The following VPS45 variants were observed in gnomAD, a reference collection of about 807,000 sequenced individuals.
VPS45 encodes the protein vacuolar protein sorting 45 homolog.
VPS45 carries 35 observed loss-of-function variants against 75.9 expected under a neutral mutation model. That is an observed-to-expected ratio of 0.46 (90% CI 0.35 to 0.61). The LOEUF (loss-of-function observed/expected upper bound fraction) is 0.61, where lower values mean the gene tolerates loss of function less well. Among genes scored for constraint, VPS45 ranks in the 20% least tolerant of loss-of-function variants. The pLI, the probability that VPS45 is intolerant of heterozygous loss-of-function variation, is 0.00. For synonymous variants in VPS45, 220 were observed against 238.2 expected (o/e 0.92, Z 0.70); for missense variants, 559 against 685.9 (o/e 0.81, Z 2.07).
At chr1:150,096,285 T>C (rs1384225203) in intron 13 of VPS45, among the ~76,000 whole-genome samples, 1 of 151,870 alleles carries the variant, frequency 6.6e-6, no homozygotes, top group Non-Finnish European at 1.5e-5. Context: ...AAGAGGAGAG[T>C]GTATTGGATC....
intron 4 of VPS45, 39 bp from the exon 5 acceptor site, chr1:150,076,877 A>G: frequency 6.2e-7 from 1 of 1,607,684 alleles, no homozygotes; most frequent in Non-Finnish European, 8.5e-7. Flanking sequence ...GATACAATTG[A>G]AGTTTATGGA....
intron 14 of VPS45, among the ~76,000 whole-genome samples, chr1:150,131,523 A>C (rs1220543281): frequency 6.6e-6 from 1 of 151,994 alleles, no homozygotes; most frequent in Non-Finnish European, 1.5e-5. Flanking sequence ...AAAAAATAAA[A>C]ATAAGGTAAA....
At chr1:150,139,178 A>G (rs1185675492) in intron 14 of VPS45, among the ~76,000 whole-genome samples, 5 of 152,098 alleles carry the variant, frequency 3.3e-5, no homozygotes, top group African/African-American at 1.2e-4. Flanking sequence ...AACCCTCCAG[A>G]TGTCTCTCAT....
rs1553801950 is a variant in VPS45, at chr1:150,091,909, G to T, written c.1105-28G>T. On this transcript the variant is annotated intron_variant, in intron 10 of 14. Transcript: ENST00000644510. ...CAACAGATGACTCAAGTGAAAGGGG[G>T]ATAAATATAAGTTCTATCTTTCTTC... 1.1e-5 allele frequency: 17 copies of T among 1,604,666 alleles called. No homozygotes were observed. In the South Asian group the frequency reaches 1.4e-4, roughly 14 times the overall value.
chr1:150,072,106 ATTAC>A, intron 2 of VPS45, 56 bp from the exon 3 acceptor site: 1 of 1,447,092 alleles, frequency 6.9e-7, no homozygotes, highest in Non-Finnish European at 9.6e-7. Flanking sequence ...GTGAATGCTT[ATTAC>A]TTTTTTCCTT....
intron 13 of VPS45, among the ~76,000 whole-genome samples, chr1:150,107,157 TC>T (rs1657373818): frequency 6.6e-6 from 1 of 152,176 alleles, no homozygotes; most frequent in Non-Finnish European, 1.5e-5. Flanking sequence ...CTACATGATC[TC>T]CCTAGATAAA....
intron 10 of VPS45, among the ~76,000 whole-genome samples, chr1:150,088,896 ACTGATTTCATTTC>A (rs1206031149): frequency 6.6e-6 from 1 of 152,206 alleles, no homozygotes. Flanking sequence ...TCTTCAACAT[ACTGATTTCATTTC>A]CTTTGGATAT....
chr1:150,110,690 C>T, intron 14 of VPS45, 63 bp downstream of exon 14: 2 of 1,473,290 alleles, frequency 1.4e-6, no homozygotes. Flanking sequence ...CTTAAATTCC[C>T]TTTATGTTGG....
chr1:150,069,319 T>G (rs1349377205), intron 2 of VPS45, among the ~76,000 whole-genome samples: 2 of 151,918 alleles, frequency 1.3e-5, no homozygotes, highest in African/African-American at 4.9e-5. Context: ...TTCTACATGC[T>G]CATTCCTGTT....
chr1:150,096,008 G>T (rs1345659429), intron 13 of VPS45, among the ~76,000 whole-genome samples: 1 of 152,146 alleles, frequency 6.6e-6, no homozygotes, highest in Non-Finnish European at 1.5e-5. Context: ...AGTGGTTTGG[G>T]TAGGAGGCTG....
chr1:150,102,547 C>CAAAA (rs782571283), intron 13 of VPS45, among the ~76,000 whole-genome samples: 3,913 of 143,066 alleles, frequency 0.027, 137 homozygotes, highest in African/African-American at 0.088. Flanking sequence ...AACTCTGTCT[C>CAAAA]AAAAAAAAAA....
At chr1:150,087,339 A>G (rs587728062) in intron 10 of VPS45, among the ~76,000 whole-genome samples, 17 of 152,248 alleles carry the variant, frequency 1.1e-4, no homozygotes, top group African/African-American at 1.2e-4. Flanking sequence ...GTAGATGACA[A>G]TTTTCTGTTT....
intron 3 of VPS45, among the ~76,000 whole-genome samples, chr1:150,072,705 A>G (rs1655149155): frequency 6.6e-6 from 1 of 151,806 alleles, no homozygotes; most frequent in South Asian, 2.1e-4. Context: ...AGAGGGCTAA[A>G]TGTGATTTCC....
chr1:150,068,980 A>C (rs1463935216), intron 2 of VPS45: 6 of 503,114 alleles, frequency 1.2e-5, no homozygotes, highest in Non-Finnish European at 2.0e-5. Flanking sequence ...TTTTAGGTTC[A>C]CAGCCATTCC....
chr1:150,102,071 T>C (rs1427372579), intron 13 of VPS45, among the ~76,000 whole-genome samples: 1 of 13,802 alleles, frequency 7.2e-5, no homozygotes, highest in African/African-American at 3.6e-4. Flanking sequence ...ACCTCGTCTC[T>C]ACTAAAAAAT....
chr1:150,083,964 T>C (rs938895062), intron 10 of VPS45, among the ~76,000 whole-genome samples: 14 of 152,066 alleles, frequency 9.2e-5, no homozygotes, highest in African/African-American at 3.4e-4. Flanking sequence ...AATTAGATAA[T>C]GTTTCAAGAT....
At chr1:150,072,341 TTATTTAATG>T (rs1260639725) in intron 3 of VPS45, 115 bp downstream of exon 3, 23 of 729,484 alleles carry the variant, frequency 3.2e-5, no homozygotes, top group Admixed American at 1.5e-4. Context: ...AAAGTCTAGT[TTATTTAATG>T]TCCTTCCAAA....
intron 3 of VPS45, among the ~76,000 whole-genome samples, chr1:150,074,955 C>T (rs371494391): frequency 1.8e-3 from 148 of 81,028 alleles, no homozygotes; most frequent in Admixed American, 3.3e-3. Context: ...ATTATTTATT[C>T]TTTTTTTTTT....
intron 14 of VPS45, 37 bp downstream of exon 14, chr1:150,110,664 T>G: frequency 6.5e-7 from 1 of 1,546,452 alleles, no homozygotes. Flanking sequence ...TGTGTCCTCT[T>G]TCCCAGAGGA....
Sources: allele counts gnomAD v4.1 joint callset (sites outside exome capture counted in the v4.1 genomes callset), GRCh38; gene constraint gnomAD v4.1.1; transcripts MANE v1.5; gene names NCBI Gene and HGNC (gene_info 2026-07-23, HGNC 2026-07-21).